ECD: variants seen among roughly 807,000 people sequenced by gnomAD.
ECD encodes ecdysoneless cell cycle regulator, also known as protein ecdysoneless homolog.
In ECD, 59 loss-of-function variants were observed where a neutral mutation model predicts 77.2. The observed-to-expected ratio is 0.76, with a 90% CI of 0.62 to 0.95. The LOEUF is 0.95. Among genes scored for constraint, ECD ranks in the 40% least tolerant of loss-of-function variants. The probability of loss-of-function intolerance (pLI) is 0.00; values close to 1 mark genes in which losing one functional copy is unlikely to be tolerated. For missense variants in ECD, 704 were observed against 763.4 expected, an observed-to-expected ratio of 0.92 and a Z score of 0.92; for synonymous variants, 233 against 267.4, an observed-to-expected ratio of 0.87 and a Z score of 1.26.
intron 2 of ECD, among the ~76,000 whole-genome samples, chr10:73,163,421 A>C (rs1843406070): frequency 6.6e-6 from 1 of 152,214 alleles, no homozygotes; most frequent in Non-Finnish European, 1.5e-5. Flanking sequence ...AGATGCCTGA[A>C]ACTATTTAGT....
At chr10:73,146,233 C>G in intron 9 of ECD, 43 bp downstream of exon 9, 1 of 1,067,372 alleles carries the variant, frequency 9.4e-7, no homozygotes, top group Non-Finnish European at 1.3e-6. Context: ...AAAGAACTAC[C>G]TAAATACCAA....
chr10:73,135,645 C>A (rs972112616), intron 13 of ECD, among the ~76,000 whole-genome samples: 1 of 151,948 alleles, frequency 6.6e-6, no homozygotes, highest in Non-Finnish European at 1.5e-5. Flanking sequence ...TGCTTAAACC[C>A]AGGAGGCAGA....
chr10:73,166,727 G>C (rs936238129), intron 1 of ECD, among the ~76,000 whole-genome samples: 9 of 152,202 alleles, frequency 5.9e-5, no homozygotes, highest in Non-Finnish European at 1.0e-4. Flanking sequence ...TTGTCAGATG[G>C]GTAGTTTGCA....
intron 6 of ECD, among the ~76,000 whole-genome samples, chr10:73,153,609 G>A (rs1038853619): frequency 6.7e-6 from 1 of 150,214 alleles, no homozygotes; most frequent in Non-Finnish European, 1.5e-5. Context: ...GGAGGTGACT[G>A]TAATCCCAGC....
intron 9 of ECD, among the ~76,000 whole-genome samples, chr10:73,145,584 A>G (rs892306468): frequency 2.0e-5 from 3 of 151,748 alleles, no homozygotes; most frequent in Non-Finnish European, 4.4e-5. Flanking sequence ...AGCTACTTGT[A>G]ATTTTTTCCC....
chr10:73,143,939 G>A (rs1204131535), intron 9 of ECD, among the ~76,000 whole-genome samples: 1 of 151,242 alleles, frequency 6.6e-6, no homozygotes, highest in Admixed American at 6.6e-5. Context: ...TGCCGCCCAG[G>A]TACCTCTGGC....
chr10:73,163,612 A>G, intron 2 of ECD, 121 bp downstream of exon 2: 1 of 912,304 alleles, frequency 1.1e-6, no homozygotes, highest in Non-Finnish European at 1.6e-6. Context: ...TTACTCATCT[A>G]AAAAGTTTAG....
rs951993110 is a variant in ECD at position 73,144,036 on chromosome 10, G to A, written c.1127+2240C>T. Among the ~76,000 whole-genome samples, 3 of 152,018 alleles carry A rather than the reference G, an allele frequency of 2.0e-5. No individual in the cohort carries two copies. The East Asian group carries it at 5.8e-4, about 29-fold the overall frequency. The stretch of plus-strand genomic sequence containing the variant: ...TTACTGGATAGAGGCCAGGGATGCT[G>A]TTAAATGTCCTATGAAGTGCAAGCC... On this transcript the variant is annotated intron_variant, in intron 9 of 13. Coordinates refer to ENST00000372979, the MANE Select transcript of ECD (RefSeq NM_007265.3).
intron 12 of ECD, among the ~76,000 whole-genome samples, chr10:73,137,592 G>A (rs1041073773): frequency 5.3e-5 from 8 of 152,096 alleles, no homozygotes; most frequent in East Asian, 1.9e-4. Flanking sequence ...TGGCTAACAC[G>A]GTGAAACCCC....
intron 1 of ECD, among the ~76,000 whole-genome samples, chr10:73,164,412 A>G (rs1564668846): frequency 6.6e-6 from 1 of 152,126 alleles, no homozygotes; most frequent in Non-Finnish European, 1.5e-5. Flanking sequence ...TACCATCACC[A>G]TGGTTTTGGC....
chr10:73,145,108 A>C (rs995990458), intron 9 of ECD, among the ~76,000 whole-genome samples: 1 of 152,314 alleles, frequency 6.6e-6, no homozygotes, highest in Non-Finnish European at 1.5e-5. Context: ...TCACGCCTGT[A>C]ATCTCAGCAC....
intron 7 of ECD, among the ~76,000 whole-genome samples, chr10:73,150,880 G>A (rs1294726204): frequency 1.3e-5 from 2 of 152,168 alleles, no homozygotes; most frequent in African/African-American, 4.8e-5. Context: ...AGAACAACAG[G>A]TGCTGGAGAG....
chr10:73,152,471 G>T, intron 6 of ECD, 50 bp from the exon 7 acceptor site: 1 of 1,584,074 alleles, frequency 6.3e-7, no homozygotes, highest in East Asian at 2.3e-5. Flanking sequence ...AATTAAGATT[G>T]TGAATAACAC....
At chr10:73,148,705 TTTTG>T (rs943915634) in intron 7 of ECD, among the ~76,000 whole-genome samples, 2 of 152,218 alleles carry the variant, frequency 1.3e-5, no homozygotes, top group African/African-American at 4.8e-5. Context: ...TACATTTATT[TTTTG>T]TTTGATTATG....
At chr10:73,148,661 A>T (rs1843160119) in intron 7 of ECD, among the ~76,000 whole-genome samples, 1 of 152,202 alleles carries the variant, frequency 6.6e-6, no homozygotes, top group Non-Finnish European at 1.5e-5. Flanking sequence ...CTTCAAAGAG[A>T]TTCCTTTTCC....
rs185788222 is a variant in ECD, at chr10:73,155,177, T to G, written c.591-729A>C. On this transcript the variant is annotated intron_variant, in intron 5 of 13. Transcript: ENST00000372979. The stretch of plus-strand genomic sequence containing the variant: ...ACCTCCCAGGTTCAAGTGATTTTCC[T>G]GCGCTCAGTCTCCCAAGCAGCTGGG... Among the ~76,000 whole-genome samples, 12 of 152,054 alleles carry G rather than the reference T, an allele frequency of 7.9e-5. No homozygotes were observed. The East Asian group carries it at 2.2e-3, about 27-fold the overall frequency.
Position 73,163,942 on chromosome 10 carries a change from C to T in ECD, c.-5G>A, listed in dbSNP as rs1589123067. On this transcript the variant is annotated 5_prime_UTR_variant, in exon 2 of 14. Coordinates refer to ENST00000372979, the MANE Select transcript of ECD (RefSeq NM_007265.3). The stretch of plus-strand genomic sequence containing the variant: ...AAGCTTCATGGTTTCTTCCATTCTT[C>T]TTTGAAAACTATGTTTAAAGTTCCA... 2.5e-6 allele frequency: 4 copies of T among 1,612,986 alleles called. No individual in the cohort carries two copies. In the East Asian group the frequency reaches 8.9e-5, roughly 36 times the overall value.
chr10:73,163,043 C>T (rs533476595), intron 2 of ECD, among the ~76,000 whole-genome samples: 31 of 152,266 alleles, frequency 2.0e-4, no homozygotes, highest in African/African-American at 7.5e-4. Flanking sequence ...CCTGATGCTG[C>T]CCAGGAGTGT....
chr10:73,161,169 A>G (rs1843371817), intron 2 of ECD, among the ~76,000 whole-genome samples: 1 of 152,060 alleles, frequency 6.6e-6, no homozygotes, highest in South Asian at 2.1e-4. Flanking sequence ...TACCTCAAAA[A>G]AAAAAAACAA....
Sources: gnomAD v4.1 joint callset for allele counts (sites outside exome capture counted in the v4.1 genomes callset) on GRCh38, gnomAD v4.1.1 for gene constraint, MANE v1.5 for transcripts, NCBI Gene and HGNC (gene_info 2026-07-23, HGNC 2026-07-21) for gene names.